Variants in CXCL13 observed in about 807,000 individuals in gnomAD.
The protein encoded by CXCL13 is C-X-C motif chemokine 13.
CXCL13 carries 7 observed loss-of-function variants against 12.2 expected under a neutral mutation model. That is an observed-to-expected ratio of 0.57 (90% confidence interval 0.33 to 1.07). The LOEUF is 1.07. Among genes scored for constraint, CXCL13 ranks in the 50% least tolerant of loss-of-function variants. The pLI is 0.04. For synonymous variants in CXCL13, 47 were observed against 42.4 expected (o/e 1.11, Z -0.42); for missense variants, 113 against 127.4 (o/e 0.89, Z 0.55).
At chr4:77,608,440 CAA>C (rs5859581) in intron 2 of CXCL13, among the ~76,000 whole-genome samples, 23 of 129,516 alleles carry the variant, frequency 1.8e-4, no homozygotes, top group African/African-American at 2.5e-4. Context: ...AACTCCATCT[CAA>C]AAAAAAAAAA....
At chr4:77,576,346 T>A (rs1726196413) in intron 1 of CXCL13, among the ~76,000 whole-genome samples, 1 of 152,198 alleles carries the variant, frequency 6.6e-6, no homozygotes, top group African/African-American at 2.4e-5. Context: ...AATAATTGAG[T>A]AAGTTATACT....
intron 1 of CXCL13, among the ~76,000 whole-genome samples, chr4:77,531,804 C>T (rs1453600344): frequency 6.6e-6 from 1 of 152,102 alleles, no homozygotes; most frequent in Non-Finnish European, 1.5e-5. Context: ...TATGTAATGG[C>T]CTTCTTTGTC....
chr4:77,606,573 G>A (rs989627166), intron 1 of CXCL13, among the ~76,000 whole-genome samples: 3 of 152,182 alleles, frequency 2.0e-5, no homozygotes, highest in Non-Finnish European at 4.4e-5. Context: ...TTAAAACACA[G>A]AGGAGCTTTG....
rs921416799 is a variant in CXCL13 at position 77,565,809 on chromosome 4, G to GA, written c.-42-40006dup. ...GAAGTGCAGACAGCTGAAGGACATG[G>GA]AAAAAAAAATTGATGGAAGAATGGC... On this transcript the variant is annotated intron_variant, in intron 1 of 4. Transcript: ENST00000286758. Among the ~76,000 whole-genome samples the GA allele has an allele frequency of 7.9e-5, 12 of 151,368 alleles. No homozygotes were observed. In the South Asian group the frequency reaches 1.0e-3, roughly 13 times the overall value.
At chr4:77,513,083 C>A (rs761366757) in intron 1 of CXCL13, among the ~76,000 whole-genome samples, 1 of 152,090 alleles carries the variant, frequency 6.6e-6, no homozygotes, top group Non-Finnish European at 1.5e-5. Flanking sequence ...CCACCTTCAC[C>A]CATGTCCCTG....
At chr4:77,588,037 G>A (rs1343032930) in intron 1 of CXCL13, among the ~76,000 whole-genome samples, 1 of 152,204 alleles carries the variant, frequency 6.6e-6, no homozygotes, top group African/African-American at 2.4e-5. Flanking sequence ...CTCTTGAAGG[G>A]TGCTGATGTA....
At chr4:77,581,085 G>T (rs1394778708) in intron 1 of CXCL13, among the ~76,000 whole-genome samples, 1 of 152,106 alleles carries the variant, frequency 6.6e-6, no homozygotes. Context: ...GTTGCTTGGG[G>T]TTGGGGGAGT....
chr4:77,587,383 C>T (rs192318305), intron 1 of CXCL13, among the ~76,000 whole-genome samples: 4 of 152,224 alleles, frequency 2.6e-5, no homozygotes, highest in Admixed American at 2.0e-4. Flanking sequence ...TTAAGGAATA[C>T]GAAGCTGTAA....
rs932634534 is a variant in CXCL13, at chr4:77,611,120, T to C, written c.*81T>C. 3.8e-5 allele frequency: 47 copies of C among 1,225,430 alleles called. No individual in the cohort carries two copies. The highest frequency in any genetic ancestry group is 2.2e-4 in the South Asian group (17 of 75,958). The allele number at this position is 1,225,430 out of a possible 1,614,324, so 75.9% of individuals were successfully genotyped here. A position where few individuals can be genotyped will look rare whatever the true frequency, so the allele number is the denominator to read the frequency against. ...TTAGTTTTGTGCTTAGTTAAATCTT[T>C]TCCAGGAAAAAGAACTTCCCCATAC... On this transcript the variant is annotated 3_prime_UTR_variant, in exon 4 of 4. Coordinates refer to ENST00000682537, the MANE Select transcript of CXCL13 (RefSeq NM_001371558.1).
chr4:77,522,514 C>CTTTTTTTTGTTTTTTT (rs1724635283), intron 1 of CXCL13, among the ~76,000 whole-genome samples: 1 of 10,070 alleles, frequency 9.9e-5, no homozygotes, highest in African/African-American at 3.9e-4. Context: ...GCAACCCCTG[C>CTTTTTTTTGTTTTTTT]TTTTTTTTTT....
At chr4:77,534,368 C>G (rs1725007562) in intron 1 of CXCL13, among the ~76,000 whole-genome samples, 1 of 152,072 alleles carries the variant, frequency 6.6e-6, no homozygotes, top group South Asian at 2.1e-4. Context: ...TGATGAATGG[C>G]TAAACAATGG....
intron 1 of CXCL13, among the ~76,000 whole-genome samples, chr4:77,520,964 T>C (rs900388070): frequency 4.6e-5 from 7 of 152,208 alleles, no homozygotes; most frequent in African/African-American, 1.7e-4. Context: ...TCTGCATCCA[T>C]TGAGATAATC....
chr4:77,540,839 C>T (rs1290939908), intron 1 of CXCL13, among the ~76,000 whole-genome samples: 1 of 152,130 alleles, frequency 6.6e-6, no homozygotes, highest in African/African-American at 2.4e-5. Flanking sequence ...CTCTAAACTG[C>T]TTTCCACAGA....
intron 1 of CXCL13, among the ~76,000 whole-genome samples, chr4:77,561,033 T>C (rs1725798417): frequency 6.6e-6 from 1 of 152,244 alleles, no homozygotes; most frequent in Non-Finnish European, 1.5e-5. Context: ...CTGGTTATGT[T>C]CCATTTAAGG....
At chr4:77,528,277 C>A (rs992949185) in intron 1 of CXCL13, among the ~76,000 whole-genome samples, 4 of 152,048 alleles carry the variant, frequency 2.6e-5, no homozygotes, top group African/African-American at 7.2e-5. Context: ...GATTTATAAC[C>A]CTTGGGTATA....
chr4:77,593,588 A>T (rs920273459), intron 1 of CXCL13, among the ~76,000 whole-genome samples: 1 of 152,272 alleles, frequency 6.6e-6, no homozygotes, highest in Non-Finnish European at 1.5e-5. Context: ...AAATCATTTC[A>T]CATTTTATTA....
chr4:77,586,681 C>A (rs1289114493), intron 1 of CXCL13, among the ~76,000 whole-genome samples: 1 of 152,142 alleles, frequency 6.6e-6, no homozygotes, highest in Non-Finnish European at 1.5e-5. Context: ...GCTAGGGTGC[C>A]AGCATGGATT....
intron 1 of CXCL13, among the ~76,000 whole-genome samples, chr4:77,556,820 C>T (rs1165545799): frequency 6.6e-6 from 1 of 151,914 alleles, no homozygotes; most frequent in Non-Finnish European, 1.5e-5. Flanking sequence ...GGGTTTATGC[C>T]CAGCCTGGGA....
At chr4:77,583,059 T>G (rs1419772470) in intron 1 of CXCL13, among the ~76,000 whole-genome samples, 1 of 152,174 alleles carries the variant, frequency 6.6e-6, no homozygotes, top group Admixed American at 6.5e-5. Context: ...TTGAAATGCT[T>G]CCTTCTAGAC....
Sources: allele counts gnomAD v4.1 joint callset (sites outside exome capture counted in the v4.1 genomes callset), GRCh38; gene constraint gnomAD v4.1.1; transcripts MANE v1.5; gene names NCBI Gene and HGNC (gene_info 2026-07-23, HGNC 2026-07-21).